PPIE: variants seen among roughly 807,000 people sequenced by gnomAD.
The protein encoded by PPIE is peptidylprolyl isomerase E.
In PPIE, 20 loss-of-function variants were observed where a neutral mutation model predicts 38.4. The ratio of observed to expected loss-of-function variants is 0.52; its 90% CI spans 0.37 to 0.76. The LOEUF (loss-of-function observed/expected upper bound fraction) is 0.76. Among genes scored for constraint, PPIE ranks in the 30% least tolerant of loss-of-function variants. PPIE has a pLI of 0.00. For missense variants in PPIE, 322 were observed against 385.8 expected, an observed-to-expected ratio of 0.83 and a Z score of 1.39; for synonymous variants, 142 against 135.7, an observed-to-expected ratio of 1.05 and a Z score of -0.32.
At chr1:39,750,456 GT>G (rs753739234) in intron 8 of PPIE, among the ~76,000 whole-genome samples, 3 of 152,154 alleles carry the variant, frequency 2.0e-5, no homozygotes, top group Non-Finnish European at 4.4e-5. Flanking sequence ...GGGACCAGAA[GT>G]ATTTTGTATT....
Position 39,753,700 on chromosome 1 carries a change from T to C in PPIE, c.*345T>C, listed in dbSNP as rs554241051. ...TTGCTAAAATAAACCCTAGTTCTTA[T>C]ATTGCTCTTCCTGCTAGTTCTTGGG... On this transcript the variant is annotated 3_prime_UTR_variant, in exon 10 of 10. Transcript: ENST00000324379. The C allele has an allele frequency of 1.9e-4, 208 of 1,075,950 alleles. 2 individuals carry two copies. The South Asian group carries it at 3.9e-3, about 20-fold the overall frequency. The allele number at this position is 1,075,950 out of a possible 1,614,324, so 66.7% of individuals were successfully genotyped here. A position where few individuals can be genotyped will look rare whatever the true frequency, so the allele number is the denominator to read the frequency against.
chr1:39,749,671 G>A (rs1382372949), intron 8 of PPIE, among the ~76,000 whole-genome samples: 2 of 152,046 alleles, frequency 1.3e-5, no homozygotes, highest in Admixed American at 1.3e-4. Context: ...TACAGGGGAT[G>A]AGCTGTCTCT....
rs1022423499 is a variant in PPIE, at chr1:39,740,166, T to G, written c.33T>G (p.Gly11=). Residue 11 remains glycine, a splice_region_variant and synonymous_variant, in exon 2 of 10, where the codon GGT becomes GGG. Coordinates refer to ENST00000324379, the MANE Select transcript of PPIE (RefSeq NM_006112.4). MATTKRVLYV[G]GLAEEVDDKV... ...AGAAGGCCCTTGGCTTATTTGCAGG[T>G]GGACTGGCAGAGGAAGTGGACGACA... 1.9e-6 allele frequency: 3 copies of G among 1,613,934 alleles called. No homozygotes were observed. Among genetic ancestry groups the G allele is most frequent in the Non-Finnish European group, 2.5e-6 (3 of 1,179,830 alleles).
At chr1:39,752,877 G>A in intron 8 of PPIE, 33 bp from the exon 9 acceptor site, 2 of 1,600,864 alleles carry the variant, frequency 1.2e-6, no homozygotes, top group Non-Finnish European at 1.7e-6. Flanking sequence ...GGTAGCCAGG[G>A]TTCGGGGAGC....
At chr1:39,762,728 G>A (rs1165434477) in intron 9 of PPIE, 52 of 1,431,538 alleles carry the variant, frequency 3.6e-5, no homozygotes, top group South Asian at 2.9e-5. Flanking sequence ...CGTACTCGGC[G>A]GCCCGTGTGC....
downstream of PPIE, chr1:39,760,328 C>A: frequency 6.4e-7 from 1 of 1,570,278 alleles, no homozygotes; most frequent in Non-Finnish European, 8.6e-7. Context: ...AATGCCCCGG[C>A]CTGGGGTCTG....
rs377281137 is a variant in PPIE at position 39,749,100 on chromosome 1, T to C, written c.694+12T>C. 1.5e-5 allele frequency: 24 copies of C among 1,577,380 alleles called. No homozygotes were observed. The African/African-American group carries it at 1.8e-4, about 12-fold the overall frequency. On this transcript the variant is annotated intron_variant, in intron 8 of 9. Coordinates refer to ENST00000324379, the MANE Select transcript of PPIE (RefSeq NM_006112.4). ...GCATACGGGACCAGGTAGGAGCCAG[T>C]TGGCATGTGGTGACGAGGGAGGCTG...
rs1018612213 is a variant in PPIE, at chr1:39,756,288, C to T, written c.*2933C>T. On this transcript the variant is annotated 3_prime_UTR_variant, in exon 10 of 10. Transcript: ENST00000324379. ...CTGTGTGGCTCCTGTCCCAACTGGC[C>T]TCCCCATTCCACATTCCCATTGCTG... is the stretch of plus-strand genomic sequence containing the variant. The T allele has an allele frequency of 1.0e-5, 10 of 985,352 alleles. No individual in the cohort carries two copies. The highest frequency in any genetic ancestry group is 5.2e-4 in the Middle Eastern group (1 of 1,936). 61.0% of individuals were successfully genotyped at this position (985,352 alleles called of 1,614,324 possible). A position where few individuals can be genotyped will look rare whatever the true frequency, so the allele number is the denominator to read the frequency against.
intron 8 of PPIE, among the ~76,000 whole-genome samples, chr1:39,751,836 A>C (rs948839999): frequency 1.3e-5 from 2 of 152,118 alleles, no homozygotes; most frequent in African/African-American, 4.8e-5. Flanking sequence ...TGTAATCCCA[A>C]CACTTTGGGA....
intron 7 of PPIE, chr1:39,748,104 T>C (rs1334849334): frequency 6.6e-6 from 1 of 152,218 alleles, no homozygotes. Context: ...TGTTGAATTA[T>C]AGGAGTTCAT....
In PPIE at chr1:39,755,508, C is replaced by G. The variant is rs1648172621; in HGVS notation, c.*2153C>G. The G allele has an allele frequency of 1.0e-6, 1 of 985,442 alleles. No homozygotes were observed. The highest frequency in any genetic ancestry group is 1.7e-5 in the African/African-American group (1 of 57,360). 61.0% of individuals were successfully genotyped at this position (985,442 alleles called of 1,614,324 possible). A position where few individuals can be genotyped will look rare whatever the true frequency, so the allele number is the denominator to read the frequency against. On this transcript the variant is annotated 3_prime_UTR_variant, in exon 10 of 10. Coordinates refer to ENST00000324379, the MANE Select transcript of PPIE (RefSeq NM_006112.4). ...CCTCCCTCAAAGCACAGCCCCTTCTCTGAGTGCAAATAATGGCCATCAGAG... is the reference window on the plus strand; with the variant it reads ...CCTCCCTCAAAGCACAGCCCCTTCTGTGAGTGCAAATAATGGCCATCAGAG...
chr1:39,749,081 G>A lies in PPIE; in HGVS notation c.687G>A (p.Thr229=), dbSNP rs757552287. ...ATGAAAACTTTATCCTCAAGCATACGGGACCAGGTAGGAGCCAGTTGGCAT... is the reference window on the plus strand; with the variant it reads ...ATGAAAACTTTATCCTCAAGCATACAGGACCAGGTAGGAGCCAGTTGGCAT... The part of the protein sequence containing the change: ...FDDENFILKH[T]GPGLLSMANS... Residue 229 remains threonine, a synonymous_variant, in exon 8 of 10, where the codon ACG becomes ACA. Transcript: ENST00000324379. 9.4e-6 allele frequency: 15 copies of A among 1,596,152 alleles called. No individual in the cohort carries two copies. Among genetic ancestry groups the A allele is most frequent in the Middle Eastern group, 1.7e-4 (1 of 5,976 alleles).
rs1179366728 is a variant in PPIE at position 39,763,732 on chromosome 1, A to G, written c.881A>G (p.Lys294Arg). The G allele has an allele frequency of 1.9e-6, 3 of 1,602,656 alleles. No individual in the cohort carries two copies. The African/African-American group carries it at 4.1e-5, about 22-fold the overall frequency. Residue 294 changes from lysine to arginine, a missense_variant, in exon 10 of 10, where the codon AAG (lysine) becomes AGG (arginine). Physicochemically the swap from Lys to Arg is conservative, Grantham distance 26. Transcript: ENST00000356511. Reference sequence around the variant, plus strand: ...ATTACCAGCCAGCCGAGGTCCTGGAAGCTGACGTAGAGCTCGTGCCGACGG... The same window carrying G: ...ATTACCAGCCAGCCGAGGTCCTGGAGGCTGACGTAGAGCTCGTGCCGACGG...
At chr1:39,751,482 A>C (rs1328319408) in intron 8 of PPIE, among the ~76,000 whole-genome samples, 1 of 152,122 alleles carries the variant, frequency 6.6e-6, no homozygotes, top group Admixed American at 6.5e-5. Flanking sequence ...CAGCCTCCCA[A>C]ATAGCTGGGA....
At position 39,755,672 on chromosome 1, in the gene PPIE, C is replaced by G; in HGVS notation, c.*2317C>G. ...TAAAAGGACAGACTCCTGTGACAAC[C>G]TTGTCACTCTGTTCCTCCCTGATAC... is the stretch of plus-strand genomic sequence containing the variant. On this transcript the variant is annotated 3_prime_UTR_variant, in exon 10 of 10. Transcript: ENST00000324379. 1.0e-6 allele frequency: 1 copy of G among 985,426 alleles called. No individual in the cohort carries two copies. Among genetic ancestry groups the G allele is most frequent in the Non-Finnish European group, 1.2e-6 (1 of 829,930 alleles). The allele number at this position is 985,426 out of a possible 1,614,324, so 61.0% of individuals were successfully genotyped here.
At chr1:39,746,943 C>T (rs1647229619) in intron 7 of PPIE, 1 of 152,172 alleles carries the variant, frequency 6.6e-6, no homozygotes, top group Non-Finnish European at 1.5e-5. Flanking sequence ...ATTAAAGGTA[C>T]CTATTAAATA....
Position 39,748,941 on chromosome 1 carries a change from G to A in PPIE, c.547G>A (p.Gly183Ser). ...RCLCTHEKGF[G>S]FKGSSFHRII... Reference sequence around the variant, plus strand: ...CCTGTGCACTCATGAAAAGGGCTTTGGCTTTAAGGGAAGCAGCTTCCACCG... The same window carrying A: ...CCTGTGCACTCATGAAAAGGGCTTTAGCTTTAAGGGAAGCAGCTTCCACCG... The change falls in exon 8 of 10, where the codon GGC (glycine) becomes AGC (serine). Residue 183 changes from glycine (G) to serine (S), a missense_variant. By Grantham distance (56) the Gly-to-Ser change is moderately conservative. Coordinates refer to ENST00000324379, the MANE Select transcript of PPIE (RefSeq NM_006112.4). The A allele has an allele frequency of 6.2e-7, 1 of 1,614,054 alleles. No homozygotes were observed. The highest frequency in any genetic ancestry group is 8.5e-7 in the Non-Finnish European group (1 of 1,180,014).
intron 2 of PPIE, among the ~76,000 whole-genome samples, chr1:39,740,921 G>C (rs1009524975): frequency 2.0e-5 from 3 of 152,140 alleles, no homozygotes; most frequent in Non-Finnish European, 2.9e-5. Context: ...ACATTATTGT[G>C]CTTGGTCTTT....
intron 8 of PPIE, 147 bp downstream of exon 8, chr1:39,749,235 C>A: frequency 1.2e-6 from 1 of 828,316 alleles, no homozygotes; most frequent in Non-Finnish European, 1.9e-6. Flanking sequence ...AACCATGCAG[C>A]CTTGCTAGGG....
Sources: allele counts gnomAD v4.1 joint callset (sites outside exome capture counted in the v4.1 genomes callset), GRCh38; gene constraint gnomAD v4.1.1; transcripts MANE v1.5; gene names NCBI Gene and HGNC (gene_info 2026-07-23, HGNC 2026-07-21).